BCOR: variants seen among roughly 807,000 people sequenced by gnomAD.
BCOR encodes the protein BCL-6 corepressor.
In BCOR, 10 loss-of-function variants were observed where a neutral mutation model predicts 86.7. The observed-to-expected ratio is 0.12, with a 90% CI of 0.07 to 0.20. The LOEUF (loss-of-function observed/expected upper bound fraction) is 0.20, where lower values mean the gene tolerates loss of function less well. Among genes scored for constraint, BCOR ranks in the 10% least tolerant of loss-of-function variants. BCOR has a pLI of 1.00. For missense variants in BCOR, 1,259 were observed against 1,452.1 expected (o/e 0.87, Z 2.16); for synonymous variants, 611 against 609.0 (o/e 1.00, Z -0.05).
intron 1 of BCOR, among the ~76,000 whole-genome samples, chrX:40,105,833 C>G (rs1256946495): frequency 1.8e-5 from 2 of 112,936 alleles, no homozygotes; most frequent in African/African-American, 6.4e-5. Context: ...GGTCTCCTTT[C>G]GAAGGTCGAA....
chrX:40,152,220 G>A (rs1938181933), intron 1 of BCOR, among the ~76,000 whole-genome samples: 1 of 112,296 alleles, frequency 8.9e-6, no homozygotes, highest in African/African-American at 3.2e-5. Context: ...GACAGGCGGC[G>A]GCGGGGATAT....
At chrX:40,143,695 G>A (rs966631179) in intron 1 of BCOR, among the ~76,000 whole-genome samples, 1 of 113,048 alleles carries the variant, frequency 8.8e-6, no homozygotes, top group African/African-American at 3.2e-5. Context: ...GGTGGCTCAC[G>A]CCGGTAATCC....
intron 1 of BCOR, among the ~76,000 whole-genome samples, chrX:40,093,637 A>T (rs1280299235): frequency 8.9e-6 from 1 of 111,854 alleles, no homozygotes; most frequent in Non-Finnish European, 1.9e-5. Context: ...CTAACTCCTC[A>T]CAAGTTCCTG....
At position 40,051,512 on chromosome X, in the gene BCOR, G is replaced by A. The variant is rs983447779; in HGVS notation, c.*597C>T. 7.0e-5 allele frequency: 12 copies of A among 172,017 alleles called. No homozygotes were observed. The highest frequency in any genetic ancestry group is 1.7e-4 in the East Asian group (2 of 12,005). 14.2% of individuals were successfully genotyped at this position (172,017 alleles called of 1,213,427 possible). Reference sequence around the variant, plus strand: ...AAATGTTTAAACATATAAACAATCCGGTTTGATGCGTGAAAACTAATTTCA... The same window carrying A: ...AAATGTTTAAACATATAAACAATCCAGTTTGATGCGTGAAAACTAATTTCA... On this transcript the variant is annotated 3_prime_UTR_variant, in exon 15 of 15. Coordinates refer to ENST00000378444, the MANE Select transcript of BCOR (RefSeq NM_001123385.2).
chrX:40,061,896 A>G (rs1360372704), intron 10 of BCOR, among the ~76,000 whole-genome samples: 1 of 111,460 alleles, frequency 9.0e-6, no homozygotes, highest in Non-Finnish European at 1.9e-5. Context: ...ATGCCGTAGC[A>G]GCCTACCTGC....
intron 2 of BCOR, 143 bp from the exon 3 acceptor site, chrX:40,076,675 C>G (rs1479436146): frequency 2.1e-6 from 1 of 467,973 alleles, no homozygotes; most frequent in African/African-American, 2.4e-5. Flanking sequence ...TGTCAATGGC[C>G]CATATTGAAA....
At chrX:40,099,096 C>T (rs1350437221), upstream of BCOR, among the ~76,000 whole-genome samples, 1 of 113,255 alleles carries the variant, frequency 8.8e-6, no homozygotes, top group Non-Finnish European at 1.9e-5. Flanking sequence ...AATTTCCACT[C>T]GGTAACGTCG....
Position 40,063,682 on chromosome X carries a change from C to A in BCOR, c.3773G>T (p.Gly1258Val). The change falls in exon 8 of 15, where the codon GGC (glycine) becomes GTC (valine). Residue 1258 changes from glycine (G) to valine (V), a missense_variant. Gly to Val is a moderately radical substitution (Grantham distance 109, BLOSUM62 -3). This residue lies in a region of BCOR where 305 missense variants were observed against 286.1 expected (regional missense o/e 1.07). Transcript: ENST00000378444. ...GCCTTTGGCCTCTGCCCTTTTCCTG[C>A]CAGGTTTCTCTTCAGTGATGTTAGT... ...QGTNITEEKP[G>V]RKRAEAKGNR... is the part of the protein sequence containing the mutation. 8.3e-7 allele frequency: 1 copy of A among 1,211,466 alleles called. No homozygotes were observed. The highest frequency in any genetic ancestry group is 3.0e-5 in the East Asian group (1 of 33,846).
intron 1 of BCOR, among the ~76,000 whole-genome samples, chrX:40,115,908 A>G (rs1937386538): frequency 8.9e-6 from 1 of 111,858 alleles, no homozygotes; most frequent in Admixed American, 9.5e-5. Flanking sequence ...TGGCGAGATT[A>G]TAAGCTACCT....
At chrX:40,174,051 TAGGG>T (rs1938689010) in intron 1 of BCOR, among the ~76,000 whole-genome samples, 1 of 113,128 alleles carries the variant, frequency 8.8e-6, no homozygotes, top group Non-Finnish European at 1.9e-5. Context: ...AATAAGAGCC[TAGGG>T]AGGCCTCGGC....
At chrX:40,158,071 T>C (rs1938332573) in intron 1 of BCOR, among the ~76,000 whole-genome samples, 1 of 112,181 alleles carries the variant, frequency 8.9e-6, no homozygotes, top group African/African-American at 3.2e-5. Flanking sequence ...GGTGTGGGGC[T>C]GGCACCCAGT....
At chrX:40,061,434 A>C (rs1934862153) in intron 10 of BCOR, among the ~76,000 whole-genome samples, 1 of 111,587 alleles carries the variant, frequency 9.0e-6, no homozygotes, top group African/African-American at 3.3e-5. Context: ...GAAAGCGGGA[A>C]TAATATTAGT....
intron 1 of BCOR, among the ~76,000 whole-genome samples, chrX:40,116,370 G>A (rs1006977772): frequency 2.7e-5 from 3 of 109,704 alleles, no homozygotes; most frequent in African/African-American, 1.0e-4. Context: ...GGTGGTGGGC[G>A]CCTGTAGTCC....
At chrX:40,130,173 T>C (rs1363208382) in intron 1 of BCOR, among the ~76,000 whole-genome samples, 3 of 111,610 alleles carry the variant, frequency 2.7e-5, no homozygotes, top group African/African-American at 9.8e-5. Flanking sequence ...TTCATCTAAA[T>C]CTTCAACAGG....
At chrX:40,145,959 C>A (rs1170679115) in intron 1 of BCOR, among the ~76,000 whole-genome samples, 5 of 111,733 alleles carry the variant, frequency 4.5e-5, no homozygotes, top group Non-Finnish European at 9.4e-5. Context: ...CTGGCGTTCT[C>A]GATGCTATCG....
At chrX:40,083,444 A>T (rs908831541) in intron 1 of BCOR, among the ~76,000 whole-genome samples, 1 of 111,975 alleles carries the variant, frequency 8.9e-6, no homozygotes, top group Non-Finnish European at 1.9e-5. Context: ...TTGCATTAGT[A>T]AGGGGGAGGG....
rs73468220 is a variant in BCOR at position 40,069,644 on chromosome X, G to A, written c.3238+1329C>T. Among the ~76,000 whole-genome samples the A allele has an allele frequency of 5.2e-3, 582 of 112,322 alleles. 4 individuals carry two copies. The highest frequency in any genetic ancestry group is 0.018 in the African/African-American group (544 of 30,910). ...TTAGAAGCACCTTCCCCATCAACTC[G>A]GCCTTGCCCACTTCTCCCAGGTCCC... On this transcript the variant is annotated intron_variant, in intron 6 of 14. Coordinates refer to ENST00000378444, the MANE Select transcript of BCOR (RefSeq NM_001123385.2).
chrX:40,120,680 C>T (rs1937471480), intron 1 of BCOR, among the ~76,000 whole-genome samples: 1 of 111,885 alleles, frequency 8.9e-6, no homozygotes, highest in South Asian at 3.7e-4. Flanking sequence ...GGTGCTGCTC[C>T]AGGCTCCCGA....
Position 40,074,858 on chromosome X carries a change from G to A in BCOR, c.488C>T (p.Ala163Val). ...PGIQKSAVAT[A>V]EALGLDRPAS... ...AGGCCTGTCCAAGCCCAGCGCTTCT[G>A]CTGTGGCTACAGCACTTTTTTGTAT... Residue 163 changes from alanine (A) to valine (V), a missense_variant, in exon 4 of 15, where the codon GCA becomes GTA. Physicochemically the swap from Ala to Val is moderately conservative, Grantham distance 64. This residue lies in a region of BCOR where 174 missense variants were observed against 189.3 expected (regional missense o/e 0.92). Transcript: ENST00000378444. 8.3e-7 allele frequency: 1 copy of A among 1,211,583 alleles called. No individual in the cohort carries two copies. Among genetic ancestry groups the A allele is most frequent in the South Asian group, 1.8e-5 (1 of 56,971 alleles).
Sources: gnomAD v4.1 joint callset for allele counts (sites outside exome capture counted in the v4.1 genomes callset) on GRCh38, gnomAD v4.1.1 for gene constraint, gnomAD v4.1.1 regional missense constraint, MANE v1.5 for transcripts, NCBI Gene and HGNC (gene_info 2026-07-23, HGNC 2026-07-21) for gene names.